CSTF3: variants seen among roughly 807,000 people sequenced by gnomAD.
The protein encoded by CSTF3 is cleavage stimulation factor subunit 3, also known as CF-1 77 kDa subunit.
A neutral mutation model predicts 105.8 loss-of-function variants in CSTF3; 29 were observed. The observed-to-expected ratio is 0.27, with a 90% CI of 0.20 to 0.37. The LOEUF is 0.37. CSTF3 is among the 10% of genes least tolerant of loss of function. The pLI is 1.00. For synonymous variants in CSTF3, 252 were observed against 281.9 expected (o/e 0.89, Z 1.06); for missense variants, 357 against 879.3 (o/e 0.41, Z 7.51).
At chr11:33,141,512 T>C (rs1855710198) in intron 3 of CSTF3, 155 bp downstream of exon 3, 1 of 1,322,078 alleles carries the variant, frequency 7.6e-7, no homozygotes, top group Non-Finnish European at 9.7e-7. Context: ...TTTCAAAAAT[T>C]CATTTTAATT....
At position 33,141,660 on chromosome 11, in the gene CSTF3, T is replaced by C. The variant is rs775415350; in HGVS notation, c.225+7A>G. On this transcript the variant is annotated splice_region_variant and intron_variant, in intron 3 of 20. Coordinates refer to ENST00000323959, the MANE Select transcript of CSTF3 (RefSeq NM_001326.3). ...TGATATAAGAAAAAATAAAATAAAA[T>C]AGTAACCTCTGCTTCAATGTACAGT... The C allele has an allele frequency of 1.2e-6, 2 of 1,608,750 alleles. No individual in the cohort carries two copies. The highest frequency in any genetic ancestry group is 2.2e-5 in the East Asian group (1 of 44,772).
At chr11:33,131,586 C>T (rs1239050747) in intron 3 of CSTF3, among the ~76,000 whole-genome samples, 1 of 152,158 alleles carries the variant, frequency 6.6e-6, no homozygotes, top group Non-Finnish European at 1.5e-5. Flanking sequence ...GTGGCTCACG[C>T]CTGTAATCCC....
intron 3 of CSTF3, among the ~76,000 whole-genome samples, chr11:33,129,515 G>A (rs920823904): frequency 6.6e-6 from 1 of 151,584 alleles, no homozygotes; most frequent in African/African-American, 2.4e-5. Flanking sequence ...ACAGCCAACT[G>A]TACTATTGAA....
At chr11:33,159,551 G>A (rs994851057) in intron 1 of CSTF3, among the ~76,000 whole-genome samples, 2 of 130,780 alleles carry the variant, frequency 1.5e-5, no homozygotes, top group Non-Finnish European at 3.1e-5. Context: ...AGGCGAAATC[G>A]CGCCACTGCA....
intron 3 of CSTF3, among the ~76,000 whole-genome samples, chr11:33,121,130 T>C (rs1222339185): frequency 1.3e-5 from 2 of 152,046 alleles, no homozygotes; most frequent in Non-Finnish European, 2.9e-5. Context: ...CAAATAGCCA[T>C]GTAAAAGATG....
At chr11:33,159,021 A>C (rs1849902227) in intron 1 of CSTF3, among the ~76,000 whole-genome samples, 1 of 152,142 alleles carries the variant, frequency 6.6e-6, no homozygotes, top group Admixed American at 6.5e-5. Flanking sequence ...ACAAATGGGG[A>C]AATTTAAAGA....
At chr11:33,144,943 C>A in intron 1 of CSTF3, 1 of 187,840 alleles carries the variant, frequency 5.3e-6, no homozygotes, top group Non-Finnish European at 1.1e-5. Context: ...CGCCACTGCA[C>A]TCGGGCCTGG....
At chr11:33,092,461 C>T in intron 15 of CSTF3, 121 bp from the exon 16 acceptor site, 1 of 568,282 alleles carries the variant, frequency 1.8e-6, no homozygotes, top group Non-Finnish European at 2.9e-6. Flanking sequence ...TAACTATTAT[C>T]ACACTTGATT....
intron 3 of CSTF3, among the ~76,000 whole-genome samples, chr11:33,109,568 T>G (rs1278661027): frequency 6.6e-6 from 1 of 152,206 alleles, no homozygotes. Flanking sequence ...CTACTTAACC[T>G]CTTTTTCCCT....
At chr11:33,103,803 G>A (rs1039014725) in intron 8 of CSTF3, among the ~76,000 whole-genome samples, 1 of 152,004 alleles carries the variant, frequency 6.6e-6, no homozygotes, top group Non-Finnish European at 1.5e-5. Flanking sequence ...ATTCATCTGG[G>A]TGAATAGCCA....
chr11:33,156,686 T>G, intron 1 of CSTF3: 1 of 453,668 alleles, frequency 2.2e-6, no homozygotes, highest in Admixed American at 2.4e-5. Flanking sequence ...ATTTAAAAGG[T>G]GAAATATGGC....
intron 9 of CSTF3, among the ~76,000 whole-genome samples, 180 bp downstream of exon 9, chr11:33,102,927 T>C (rs1159675057): frequency 1.3e-5 from 2 of 152,258 alleles, no homozygotes; most frequent in East Asian, 1.9e-4. Context: ...CAATTTATTA[T>C]ATTTTGTTCT....
intron 1 of CSTF3, among the ~76,000 whole-genome samples, chr11:33,154,671 AT>A (rs1182465363): frequency 1.3e-5 from 2 of 151,712 alleles, no homozygotes; most frequent in Non-Finnish European, 2.9e-5. Flanking sequence ...TAATTTTTGT[AT>A]TTTTAGTAGA....
intron 3 of CSTF3, among the ~76,000 whole-genome samples, chr11:33,118,571 T>G (rs186662613): frequency 3.3e-5 from 5 of 151,966 alleles, no homozygotes; most frequent in African/African-American, 1.2e-4. Context: ...CATGGCTCAA[T>G]TGGTTTTGCT....
Position 33,099,475 on chromosome 11 carries a change from G to C in CSTF3, c.936+133C>G. On this transcript the variant is annotated intron_variant, in intron 11 of 20. Transcript: ENST00000323959. This position sits in a 1 kb window ranked among gnomAD's most constrained non-coding sequence, Gnocchi z 4.1. ...GGTCTAATTATATGAGTGTCACTAAGATTCATATGAACGTAAACTTAAATT... is the reference window on the plus strand; with the variant it reads ...GGTCTAATTATATGAGTGTCACTAACATTCATATGAACGTAAACTTAAATT... 2 of 683,240 alleles carry C rather than the reference G, an allele frequency of 2.9e-6. No individual in the cohort carries two copies. The highest frequency in any genetic ancestry group is 4.9e-6 in the Non-Finnish European group (2 of 405,740). The allele number at this position is 683,240 out of a possible 1,614,324, so 42.3% of individuals were successfully genotyped here.
At chr11:33,159,196 G>C (rs1849904669) in intron 1 of CSTF3, among the ~76,000 whole-genome samples, 1 of 152,102 alleles carries the variant, frequency 6.6e-6, no homozygotes, top group South Asian at 2.1e-4. Context: ...GCTCGTGCCT[G>C]TCTGTAATCC....
At chr11:33,127,271 A>G (rs1400475543) in intron 3 of CSTF3, among the ~76,000 whole-genome samples, 1 of 152,222 alleles carries the variant, frequency 6.6e-6, no homozygotes, top group Non-Finnish European at 1.5e-5. Context: ...ACCTGAATGT[A>G]CTAAAAAAAC....
rs149029241 is a variant in CSTF3 at position 33,109,522 on chromosome 11, C to G, written c.226-1104G>C. Among the ~76,000 whole-genome samples, 274 of 152,322 alleles carry G rather than the reference C, an allele frequency of 1.8e-3. 2 individuals are homozygous for G. Among genetic ancestry groups the G allele is most frequent in the African/African-American group, 6.3e-3 (264 of 41,576 alleles). On this transcript the variant is annotated intron_variant, in intron 3 of 20. Transcript: ENST00000323959. ...ACTTTGAAGCAGTTCAATCAAGGCTCTGGAGTCAGACCTCTTAGGTTCACA... is the reference window on the plus strand; with the variant it reads ...ACTTTGAAGCAGTTCAATCAAGGCTGTGGAGTCAGACCTCTTAGGTTCACA...
chr11:33,148,965 T>C (rs1434401296), intron 1 of CSTF3, among the ~76,000 whole-genome samples: 1 of 151,046 alleles, frequency 6.6e-6, no homozygotes, highest in Non-Finnish European at 1.5e-5. Flanking sequence ...TAGCTGGGAC[T>C]ACAGGCGTGT....
Sources: allele counts gnomAD v4.1 joint callset (sites outside exome capture counted in the v4.1 genomes callset), GRCh38; gene constraint gnomAD v4.1.1; non-coding constraint Gnocchi (gnomAD v3.1); transcripts MANE v1.5; gene names NCBI Gene and HGNC (gene_info 2026-07-23, HGNC 2026-07-21).